UPRT: variants seen among roughly 807,000 people sequenced by gnomAD.
UPRT encodes the protein RP11-311P8.3.
UPRT carries 5 observed loss-of-function variants against 22.6 expected under a neutral mutation model. That is an observed-to-expected ratio of 0.22 (90% CI 0.12 to 0.47). UPRT has a LOEUF of 0.47. Ranked by LOEUF, UPRT falls within the 20% of genes least tolerant of loss-of-function variation. UPRT has a pLI of 0.99. For synonymous variants in UPRT, 77 were observed against 87.7 expected (o/e 0.88, Z 0.68); for missense variants, 181 against 239.9 (o/e 0.75, Z 1.62).
At chrX:75,158,294 C>G (rs188289962) in intron 1 of UPRT, among the ~76,000 whole-genome samples, 3 of 112,011 alleles carry the variant, frequency 2.7e-5, no homozygotes, top group Non-Finnish European at 3.8e-5. Context: ...ACATAACTGT[C>G]TGACATAAAT....
chrX:75,247,685 C>T (rs1360285606), intron 4 of UPRT, among the ~76,000 whole-genome samples: 1 of 112,729 alleles, frequency 8.9e-6, no homozygotes, highest in Non-Finnish European at 1.9e-5. Flanking sequence ...GTAAACTCTG[C>T]AGACTTAAAT....
At chrX:75,203,490 ACACACACACACACACACACACACACT>A (rs1173193912) in intron 4 of UPRT, among the ~76,000 whole-genome samples, 1 of 103,074 alleles carries the variant, frequency 9.7e-6, no homozygotes, top group African/African-American at 3.8e-5. Context: ...AGACACACAC[ACACACACACACACACACACACACACT>A]CACACACACA....
Position 75,250,271 on chromosome X carries a change from A to G in UPRT, c.-446-40753A>G, listed in dbSNP as rs771285903. Among the ~76,000 whole-genome samples, 107 of 110,014 alleles carry G rather than the reference A, an allele frequency of 9.7e-4. No individual in the cohort carries two copies. In the East Asian group the frequency reaches 0.026, roughly 27 times the overall value. On this transcript the variant is annotated intron_variant, in intron 4 of 13. Coordinates refer to the UPRT transcript ENST00000652605. ...CCTTCAAAAAATTAATGAATTCAGG[A>G]GCTGGTTTTTTGAAAAGATCAACAA...
chrX:75,231,236 A>G (rs1027690842), intron 4 of UPRT, among the ~76,000 whole-genome samples: 3 of 111,958 alleles, frequency 2.7e-5, no homozygotes, highest in Non-Finnish European at 5.6e-5. Flanking sequence ...CTCCAGAGTA[A>G]TAGATATCAT....
At chrX:75,225,323 C>CA (rs2082420732) in intron 4 of UPRT, among the ~76,000 whole-genome samples, 11 of 82,043 alleles carry the variant, frequency 1.3e-4, no homozygotes, top group African/African-American at 4.9e-4. Flanking sequence ...AAACCAAAAA[C>CA]CACACACACA....
chrX:75,176,135 A>G (rs1222144905), intron 4 of UPRT, among the ~76,000 whole-genome samples: 3 of 111,282 alleles, frequency 2.7e-5, no homozygotes, highest in Non-Finnish European at 5.7e-5. Context: ...GGTGGATATC[A>G]TTGAATAATT....
intron 4 of UPRT, among the ~76,000 whole-genome samples, chrX:75,179,541 G>A (rs962942228): frequency 3.5e-5 from 4 of 113,391 alleles, no homozygotes; most frequent in South Asian, 3.6e-4. Flanking sequence ...TTGGGTGGTC[G>A]ATGGGACTGG....
chrX:75,267,623 A>G (rs1051191521), intron 4 of UPRT, among the ~76,000 whole-genome samples: 5 of 112,410 alleles, frequency 4.4e-5, no homozygotes, highest in African/African-American at 1.6e-4. Context: ...AAACTGCACA[A>G]CTACATGGAA....
chrX:75,188,889 C>T (rs1306471948), intron 4 of UPRT, among the ~76,000 whole-genome samples: 3 of 111,544 alleles, frequency 2.7e-5, no homozygotes, highest in Non-Finnish European at 3.8e-5. Context: ...GGCTCGCACG[C>T]GCACCCACTG....
chrX:75,195,168 G>T (rs762517669), intron 4 of UPRT, among the ~76,000 whole-genome samples: 1 of 112,508 alleles, frequency 8.9e-6, no homozygotes, highest in Non-Finnish European at 1.9e-5. Flanking sequence ...TGGCATGGGT[G>T]GGCTGGTATG....
intron 4 of UPRT, among the ~76,000 whole-genome samples, chrX:75,234,215 C>T (rs1301031023): frequency 1.1e-4 from 12 of 111,565 alleles, no homozygotes; most frequent in African/African-American, 2.0e-4. Context: ...GTAAAGGGAT[C>T]GATTCAACAA....
chrX:75,212,360 A>G (rs1300370452), intron 4 of UPRT, among the ~76,000 whole-genome samples: 1 of 112,369 alleles, frequency 8.9e-6, no homozygotes, highest in African/African-American at 3.2e-5. Flanking sequence ...CAATCAAATT[A>G]TAACTCAAGA....
chrX:75,204,016 C>T (rs918022037), intron 4 of UPRT, among the ~76,000 whole-genome samples: 2 of 109,376 alleles, frequency 1.8e-5, no homozygotes, highest in Non-Finnish European at 3.8e-5. Context: ...GGGTGTCCGA[C>T]TTCAGAGTTG....
Position 75,300,811 on chromosome X carries a change from A to G in UPRT, c.725-56A>G, listed in dbSNP as rs749704263. On this transcript the variant is annotated intron_variant, in intron 5 of 6. Transcript: ENST00000373383. ...CCCCTCCCCCAAAAAAAGAAAAAAG[A>G]CATTTAAAAATGAATGTTAAGGTTG... The G allele has an allele frequency of 2.6e-5, 26 of 993,003 alleles. No homozygotes were observed. In the Admixed American group the frequency reaches 5.8e-4, roughly 22 times the overall value. The allele number at this position is 993,003 out of a possible 1,213,427, so 81.8% of individuals were successfully genotyped here. A position where few individuals can be genotyped will look rare whatever the true frequency, so the allele number is the denominator to read the frequency against.
chrX:75,205,967 G>A (rs937511561), intron 4 of UPRT, among the ~76,000 whole-genome samples: 2 of 111,761 alleles, frequency 1.8e-5, no homozygotes, highest in Non-Finnish European at 3.8e-5. Flanking sequence ...GTGAAGTCCA[G>A]ACCATGTTAA....
chrX:75,263,496 T>G (rs2082576024), intron 4 of UPRT, among the ~76,000 whole-genome samples: 1 of 112,196 alleles, frequency 8.9e-6, no homozygotes, highest in Non-Finnish European at 1.9e-5. Flanking sequence ...GATTTTCTAG[T>G]TTATTTGCAT....
At chrX:75,160,648 G>C (rs2082196476) in exon 2 of UPRT, among the ~76,000 whole-genome samples, 1 of 111,565 alleles carries the variant, frequency 9.0e-6, no homozygotes. Context: ...TCCCGCTTCA[G>C]CCTCCCAAGT....
chrX:75,270,757 G>A (rs1460686597), upstream of UPRT, among the ~76,000 whole-genome samples: 2 of 111,180 alleles, frequency 1.8e-5, no homozygotes. Context: ...GGTCTTTCAG[G>A]GTTGGGATGC....
At chrX:75,265,491 C>A (rs2082585131) in intron 4 of UPRT, among the ~76,000 whole-genome samples, 1 of 112,141 alleles carries the variant, frequency 8.9e-6, no homozygotes, top group Admixed American at 9.5e-5. Context: ...AGGCTTGTGC[C>A]TTTGTCACGT....
Sources: gnomAD v4.1 joint callset for allele counts (sites outside exome capture counted in the v4.1 genomes callset) on GRCh38, gnomAD v4.1.1 for gene constraint, MANE v1.5 for transcripts, NCBI Gene and HGNC (gene_info 2026-07-23, HGNC 2026-07-21) for gene names.